Variants in TIE1 observed in about 807,000 individuals in gnomAD.
The protein encoded by TIE1 is tyrosine-protein kinase receptor Tie-1.
A neutral mutation model predicts 130.5 loss-of-function variants in TIE1; 89 were observed. That is an observed-to-expected ratio of 0.68 (90% CI 0.57 to 0.81). The LOEUF is 0.81. TIE1 is among the 40% of genes least tolerant of loss of function. TIE1 has a pLI of 0.00. For missense variants in TIE1, 1,392 were observed against 1,559.8 expected, an observed-to-expected ratio of 0.89 and a Z score of 1.81; for synonymous variants, 568 against 629.4, an observed-to-expected ratio of 0.90 and a Z score of 1.46.
In TIE1 at chr1:43,312,643, C is replaced by A; in HGVS notation, c.1927+42C>A. On this transcript the variant is annotated intron_variant, in intron 12 of 22. Coordinates refer to ENST00000372476, the MANE Select transcript of TIE1 (RefSeq NM_005424.5). This position sits in a 1 kb window ranked among gnomAD's most constrained non-coding sequence, Gnocchi z 5.6. ...AGGATAGCTGGGGGTTGGGGGAGGA[C>A]GTGGGACACAGGGACACATGAGACC... 1 of 1,554,222 alleles carries A rather than the reference C, an allele frequency of 6.4e-7. No homozygotes were observed. The highest frequency in any genetic ancestry group is 8.7e-7 in the Non-Finnish European group (1 of 1,149,198).
chr1:43,301,420 A>G lies in TIE1; in HGVS notation c.58+291A>G, dbSNP rs549543902. On this transcript the variant is annotated intron_variant, in intron 1 of 22. Coordinates refer to ENST00000372476, the MANE Select transcript of TIE1 (RefSeq NM_005424.5). The stretch of plus-strand genomic sequence containing the variant: ...GAGGATCAATTGAGGCCAGGAGTTC[A>G]AGACCAGACTGGTCAACATAGTGAG... Among the ~76,000 whole-genome samples the G allele has an allele frequency of 2.3e-3, 350 of 152,120 alleles. 1 individual carries two copies. Among genetic ancestry groups the G allele is most frequent in the African/African-American group, 8.0e-3 (332 of 41,500 alleles).
At chr1:43,308,050 T>C in intron 7 of TIE1, 126 bp downstream of exon 7, 1 of 1,380,456 alleles carries the variant, frequency 7.2e-7, no homozygotes, top group Non-Finnish European at 9.8e-7. Context: ...TCAGGGAGCT[T>C]AGAGTCTGAT....
In TIE1 at chr1:43,309,631, AT is replaced by A; in HGVS notation, c.1333+100del. The A allele has an allele frequency of 7.0e-7, 1 of 1,431,430 alleles. No homozygotes were observed. Among genetic ancestry groups the A allele is most frequent in the South Asian group, 1.5e-5 (1 of 65,164 alleles). 88.7% of individuals were successfully genotyped at this position (1,431,430 alleles called of 1,614,324 possible). The stretch of plus-strand genomic sequence containing the variant: ...AGATACTAGCAGGAAGGACAAGGAC[AT>A]CTAAGGTCATAGCCTAGCACCAGAC... On this transcript the variant is annotated intron_variant, in intron 9 of 22. Coordinates refer to ENST00000372476, the MANE Select transcript of TIE1 (RefSeq NM_005424.5). This position sits in a 1 kb window ranked among gnomAD's most constrained non-coding sequence, Gnocchi z 6.3.
In TIE1 at chr1:43,319,620, T is replaced by A; in HGVS notation, c.3107+91T>A. ...CATATCTCAGAAATGTCATAGGTGG[T>A]CTAAGGCATGACCTGGGCTGTGTTC... On this transcript the variant is annotated intron_variant, in intron 19 of 22. Transcript: ENST00000372476. The surrounding 1 kb of genome is among the most constrained non-coding windows in gnomAD (Gnocchi z 4.7). 1 of 1,346,548 alleles carries A rather than the reference T, an allele frequency of 7.4e-7. No homozygotes were observed. Among genetic ancestry groups the A allele is most frequent in the Non-Finnish European group, 1.1e-6 (1 of 939,222 alleles). 83.4% of individuals were successfully genotyped at this position (1,346,548 alleles called of 1,614,324 possible).
At chr1:43,308,130 A>G (rs867566351) in intron 7 of TIE1, among the ~76,000 whole-genome samples, 1 of 152,158 alleles carries the variant, frequency 6.6e-6, no homozygotes. Flanking sequence ...TCCAGCAAGG[A>G]GCTCACTGCC....
At position 43,313,770 on chromosome 1, in the gene TIE1, G is replaced by C. The variant is rs771153537; in HGVS notation, c.2219-8G>C. The C allele has an allele frequency of 6.2e-7, 1 of 1,606,102 alleles. No individual in the cohort carries two copies. Among genetic ancestry groups the C allele is most frequent in the South Asian group, 1.1e-5 (1 of 90,356 alleles). On this transcript the variant is annotated splice_polypyrimidine_tract_variant and splice_region_variant and intron_variant, in intron 13 of 22. Transcript: ENST00000372476. This position sits in a 1 kb window ranked among gnomAD's most constrained non-coding sequence, Gnocchi z 6.2. ...GTCCCCACAATCTGCCCCTCTCACTGTGTCCAGGGCTGCAGGCTGAGGGCC... is the reference window on the plus strand; with the variant it reads ...GTCCCCACAATCTGCCCCTCTCACTCTGTCCAGGGCTGCAGGCTGAGGGCC...
rs1291743772 is a variant in TIE1, at chr1:43,313,943, G to T, written c.2384G>T (p.Arg795Leu). 2 of 1,613,964 alleles carry T rather than the reference G, an allele frequency of 1.2e-6. No individual in the cohort carries two copies. The highest frequency in any genetic ancestry group is 2.7e-5 in the African/African-American group (2 of 74,880). Residue 795 changes from arginine (R) to leucine (L), a missense_variant, in exon 14 of 23, where the codon CGC becomes CTC. By Grantham distance (102) the Arg-to-Leu change is moderately radical (BLOSUM62 -2). Coordinates refer to ENST00000372476, the MANE Select transcript of TIE1 (RefSeq NM_005424.5). The surrounding 1 kb of genome is among the most constrained non-coding windows in gnomAD (Gnocchi z 6.2). ...CIRRSCLHRR[R>L]TFTYQSGSGE... ...CGCAGAAGCTGCCTGCATCGGAGACGCACCTTCACCTACCAGTCAGGCTCG... is the reference window on the plus strand; with the variant it reads ...CGCAGAAGCTGCCTGCATCGGAGACTCACCTTCACCTACCAGTCAGGCTCG...
chr1:43,317,937 G>A lies in TIE1; in HGVS notation c.2787G>A (p.Leu929=). ...YAPYGNLLDF[L]RKSRVLETDP... ...CCTACGGGAACCTGCTAGATTTTCT[G>A]CGGAAAAGCCGGGTCCTAGAGACTG... The change falls in exon 17 of 23, where the codon CTG becomes CTA. Residue 929 remains leucine (L), a synonymous_variant. Transcript: ENST00000372476. The surrounding 1 kb of genome is among the most constrained non-coding windows in gnomAD (Gnocchi z 5.1). 6.2e-7 allele frequency: 1 copy of A among 1,614,156 alleles called. No homozygotes were observed. Among genetic ancestry groups the A allele is most frequent in the Non-Finnish European group, 8.5e-7 (1 of 1,180,006 alleles).
In TIE1 at chr1:43,313,441, C is replaced by T. The variant is rs767184313; in HGVS notation, c.2218+16C>T. On this transcript the variant is annotated intron_variant, in intron 13 of 22. Transcript: ENST00000372476. The surrounding 1 kb of genome is among the most constrained non-coding windows in gnomAD (Gnocchi z 6.2). Reference sequence around the variant, plus strand: ...CTGGGCAACGGTGAGAGGGCAGGGCCCACAGGACCCCCCGGGCTCTGAGCG... The same window carrying T: ...CTGGGCAACGGTGAGAGGGCAGGGCTCACAGGACCCCCCGGGCTCTGAGCG... 4 of 1,613,110 alleles carry T rather than the reference C, an allele frequency of 2.5e-6. No homozygotes were observed. The South Asian group carries it at 4.4e-5, about 18-fold the overall frequency.
In TIE1 at chr1:43,319,569, C is replaced by T; in HGVS notation, c.3107+40C>T. ...AGAGGGCACAGGAGGGCTTGGCCCC[C>T]AAGAATCACCCAGGCCTGACCTAGA... On this transcript the variant is annotated intron_variant, in intron 19 of 22. Coordinates refer to ENST00000372476, the MANE Select transcript of TIE1 (RefSeq NM_005424.5). The surrounding 1 kb of genome is among the most constrained non-coding windows in gnomAD (Gnocchi z 4.7). 6.3e-7 allele frequency: 1 copy of T among 1,593,472 alleles called. No homozygotes were observed. The highest frequency in any genetic ancestry group is 8.6e-7 in the Non-Finnish European group (1 of 1,161,358).
At position 43,308,929 on chromosome 1, in the gene TIE1, T is replaced by C. The variant is rs950640365; in HGVS notation, c.1043-57T>C. ...AACAGAACACGGATGAGGGGCGCTT[T>C]GGTGGTCACGTGTCTGCCCCTGTGG... is the stretch of plus-strand genomic sequence containing the variant. On this transcript the variant is annotated intron_variant, in intron 7 of 22. Coordinates refer to ENST00000372476, the MANE Select transcript of TIE1 (RefSeq NM_005424.5). 6.2e-6 allele frequency: 10 copies of C among 1,612,414 alleles called. No individual in the cohort carries two copies. In the Admixed American group the frequency reaches 6.7e-5, roughly 11 times the overall value.
intron 7 of TIE1, 29 bp from the exon 8 acceptor site, chr1:43,308,957 G>A (rs987332231): frequency 3.7e-6 from 6 of 1,613,988 alleles, no homozygotes; most frequent in Non-Finnish European, 4.2e-6. Context: ...CCCTGTGGGA[G>A]CTCCAGGATG....
Position 43,312,389 on chromosome 1 carries a change from C to T in TIE1, c.1715C>T (p.Pro572Leu), listed in dbSNP as rs560023514. Residue 572 changes from proline to leucine, a missense_variant, in exon 12 of 23, where the codon CCC becomes CTC. Pro to Leu is a moderately conservative substitution (Grantham distance 98). Around this residue, in one of 6 missense-constraint regions of TIE1, gnomAD observed 551 missense variants for 565.5 expected, o/e 0.97. Coordinates refer to ENST00000372476, the MANE Select transcript of TIE1 (RefSeq NM_005424.5). The surrounding 1 kb of genome is among the most constrained non-coding windows in gnomAD (Gnocchi z 5.6). Reference protein sequence around the residue: ...LRVSWSLPLVPGPLVGDGFLL... With the variant: ...LRVSWSLPLVLGPLVGDGFLL... ...GTGAGCTGGTCCTTGCCCTTGGTGC[C>T]CGGGCCACTGGTGGGCGACGGTTTC... is the stretch of plus-strand genomic sequence containing the variant. The T allele has an allele frequency of 2.6e-5, 41 of 1,602,792 alleles. No homozygotes were observed. The East Asian group carries it at 7.2e-4, about 28-fold the overall frequency.
chr1:43,316,255 TACA>T lies in TIE1; in HGVS notation c.2410-943_2410-941del, dbSNP rs1646857646. On this transcript the variant is annotated intron_variant, in intron 14 of 22. Coordinates refer to ENST00000372476, the MANE Select transcript of TIE1 (RefSeq NM_005424.5). The surrounding 1 kb of genome is among the most constrained non-coding windows in gnomAD (Gnocchi z 4.4). ...AGGCCTGCATGTGTGTATGGACCTATACATGATGCACCTACATATGGTGCTGCC... is the reference window on the plus strand; with the variant it reads ...AGGCCTGCATGTGTGTATGGACCTATTGATGCACCTACATATGGTGCTGCC... 6.6e-6 allele frequency among the ~76,000 whole-genome samples: 1 copy of T among 152,212 alleles called. No individual in the cohort carries two copies. The highest frequency in any genetic ancestry group is 2.1e-4 in the South Asian group (1 of 4,834).
Position 43,313,920 on chromosome 1 carries a change from C to CAGA in TIE1, c.2364_2366dup (p.Arg788dup), listed in dbSNP as rs903230843. On this transcript the variant is annotated inframe_insertion, in exon 14 of 23. Coordinates refer to ENST00000372476, the MANE Select transcript of TIE1 (RefSeq NM_005424.5). This position sits in a 1 kb window ranked among gnomAD's most constrained non-coding sequence, Gnocchi z 6.2. ...CCCTTTTAACCCTGGTGTGCATCCG[C>CAGA]AGAAGCTGCCTGCATCGGAGACGCA... 2.5e-6 allele frequency: 4 copies of CAGA among 1,614,190 alleles called. No homozygotes were observed. The highest frequency in any genetic ancestry group is 3.4e-6 in the Non-Finnish European group (4 of 1,180,030).
intron 19 of TIE1, chr1:43,320,469 A>C (rs1039014381): frequency 2.6e-5 from 4 of 152,252 alleles, no homozygotes; most frequent in African/African-American, 9.6e-5. Flanking sequence ...GTGTAATCCC[A>C]GCACTTTGGG....
In TIE1 at chr1:43,313,027, G is replaced by A; in HGVS notation, c.1928-108G>A. 1 of 1,352,208 alleles carries A rather than the reference G, an allele frequency of 7.4e-7. No individual in the cohort carries two copies. Among genetic ancestry groups the A allele is most frequent in the Non-Finnish European group, 1.0e-6 (1 of 993,364 alleles). The allele number at this position is 1,352,208 out of a possible 1,614,324, so 83.8% of individuals were successfully genotyped here. ...GGAGGAAGTTGGCAGGGTGGCCCCT[G>A]TGCTTGGACCCACAGAGGAGGGAGC... On this transcript the variant is annotated intron_variant, in intron 12 of 22. Coordinates refer to ENST00000372476, the MANE Select transcript of TIE1 (RefSeq NM_005424.5). The surrounding 1 kb of genome is among the most constrained non-coding windows in gnomAD (Gnocchi z 6.2).
rs1646927405 is a variant in TIE1 at position 43,322,217 on chromosome 1, CAAAT to C, written c.3346-428_3346-425del. 2.0e-5 allele frequency among the ~76,000 whole-genome samples: 3 copies of C among 152,030 alleles called. No homozygotes were observed. In the South Asian group the frequency reaches 6.2e-4, roughly 31 times the overall value. On this transcript the variant is annotated intron_variant, in intron 22 of 22. Coordinates refer to ENST00000372476, the MANE Select transcript of TIE1 (RefSeq NM_005424.5). The surrounding 1 kb of genome is among the most constrained non-coding windows in gnomAD (Gnocchi z 4.0). ...CTAACCATGTGAATAAGTGAATTAT[CAAAT>C]AAATATAATGAAAAATATATCAAAA...
Position 43,307,778 on chromosome 1 carries a change from T to C in TIE1, c.914-18T>C. ...CCCCTGTCCCATGCCCCTCTAATCA[T>C]ACCTCCTCTATTCCCAGCTTGTGCC... On this transcript the variant is annotated intron_variant, in intron 6 of 22. Transcript: ENST00000372476. This position sits in a 1 kb window ranked among gnomAD's most constrained non-coding sequence, Gnocchi z 5.4. 1 of 1,613,992 alleles carries C rather than the reference T, an allele frequency of 6.2e-7. No individual in the cohort carries two copies. Among genetic ancestry groups the C allele is most frequent in the South Asian group, 1.1e-5 (1 of 91,078 alleles).
Sources: gnomAD v4.1 joint callset for allele counts (sites outside exome capture counted in the v4.1 genomes callset) on GRCh38, gnomAD v4.1.1 for gene constraint, gnomAD v4.1.1 regional missense constraint, Gnocchi (gnomAD v3.1) non-coding constraint, MANE v1.5 for transcripts, NCBI Gene and HGNC (gene_info 2026-07-23, HGNC 2026-07-21) for gene names.